TXNDC11: variants seen among roughly 807,000 people sequenced by gnomAD.
The protein encoded by TXNDC11 is thioredoxin domain-containing protein 11.
In TXNDC11, 68 loss-of-function variants were observed where a neutral mutation model predicts 78.0. The ratio of observed to expected loss-of-function variants is 0.87; its 90% CI spans 0.72 to 1.07. The LOEUF is 1.07. Ranked by LOEUF, TXNDC11 falls within the 50% of genes least tolerant of loss-of-function variation. TXNDC11 has a pLI of 0.00. For missense variants in TXNDC11, 1,389 were observed against 1,221.8 expected, an observed-to-expected ratio of 1.14 and a Z score of -2.04; for synonymous variants, 571 against 495.2, an observed-to-expected ratio of 1.15 and a Z score of -2.03.
intron 6 of TXNDC11, among the ~76,000 whole-genome samples, chr16:11,699,665 G>A (rs2050955885): frequency 6.6e-6 from 1 of 152,276 alleles, no homozygotes; most frequent in Admixed American, 6.5e-5. Context: ...CCTGGAGTGG[G>A]CCCAACAGCC....
At chr16:11,683,240 T>A (rs1416856811) in intron 11 of TXNDC11, among the ~76,000 whole-genome samples, 1 of 152,216 alleles carries the variant, frequency 6.6e-6, no homozygotes, top group African/African-American at 2.4e-5. Context: ...ATGTCCTGCT[T>A]GCAGGGGCTT....
chr16:11,740,182 C>G (rs1362305328), intron 1 of TXNDC11, among the ~76,000 whole-genome samples: 40 of 151,912 alleles, frequency 2.6e-4, no homozygotes, highest in Admixed American at 2.6e-3. Context: ...TCCCTTAAGC[C>G]TATCTCCTTA....
intron 11 of TXNDC11, among the ~76,000 whole-genome samples, chr16:11,682,107 G>C (rs1597397465): frequency 6.6e-6 from 1 of 152,220 alleles, no homozygotes; most frequent in East Asian, 1.9e-4. Context: ...AGCATAAGCA[G>C]GTGGACAATG....
At chr16:11,726,820 T>C (rs2051893268) in intron 4 of TXNDC11, among the ~76,000 whole-genome samples, 1 of 152,080 alleles carries the variant, frequency 6.6e-6, no homozygotes, top group South Asian at 2.1e-4. Context: ...TTTGGGAGGC[T>C]AAGGTGGGCT....
chr16:11,713,821 G>T (rs910899983), intron 5 of TXNDC11, among the ~76,000 whole-genome samples: 1 of 151,642 alleles, frequency 6.6e-6, no homozygotes, highest in South Asian at 2.1e-4. Context: ...CCATGAGTGA[G>T]TATAGTGACA....
intron 5 of TXNDC11, among the ~76,000 whole-genome samples, chr16:11,704,897 G>C (rs2051139773): frequency 6.9e-6 from 1 of 145,468 alleles, no homozygotes; most frequent in African/African-American, 2.5e-5. Flanking sequence ...CCGAACCAAT[G>C]TTAACTTCTT....
At chr16:11,720,773 C>T (rs978804039) in intron 5 of TXNDC11, among the ~76,000 whole-genome samples, 8 of 147,006 alleles carry the variant, frequency 5.4e-5, no homozygotes, top group Non-Finnish European at 1.2e-4. Context: ...TCACTCTGTC[C>T]CCCAGGCTGG....
chr16:11,685,490 A>C (rs948274439), intron 10 of TXNDC11, among the ~76,000 whole-genome samples: 3 of 152,006 alleles, frequency 2.0e-5, no homozygotes, highest in African/African-American at 7.3e-5. Context: ...TCTACTAAAA[A>C]TACAAAAAAT....
chr16:11,721,806 G>T, intron 4 of TXNDC11, 136 bp from the exon 5 acceptor site: 1 of 515,692 alleles, frequency 1.9e-6, no homozygotes, highest in Non-Finnish European at 3.5e-6. Context: ...AAAAGCCTAA[G>T]CACATGATAA....
chr16:11,718,213 C>G (rs1441789838), intron 5 of TXNDC11, among the ~76,000 whole-genome samples: 1 of 152,076 alleles, frequency 6.6e-6, no homozygotes, highest in Non-Finnish European at 1.5e-5. Context: ...TGATGACCAG[C>G]TAGCTTCAAA....
intron 5 of TXNDC11, among the ~76,000 whole-genome samples, chr16:11,713,713 GC>G (rs1373853180): frequency 6.6e-6 from 1 of 152,148 alleles, no homozygotes; most frequent in Admixed American, 6.5e-5. Context: ...ACAGCGCCCG[GC>G]CCAAAGTATG....
At chr16:11,712,166 A>G (rs1283791312) in intron 5 of TXNDC11, among the ~76,000 whole-genome samples, 1 of 152,224 alleles carries the variant, frequency 6.6e-6, no homozygotes, top group Non-Finnish European at 1.5e-5. Context: ...AGGGTAGAAA[A>G]TATCACTACA....
Position 11,691,423 on chromosome 16 carries a change from C to G in TXNDC11, c.1767G>C (p.Leu589Phe), listed in dbSNP as rs1451637112. The change falls in exon 8 of 12, where the codon TTG becomes TTC. Residue 589 changes from leucine to phenylalanine, a missense_variant. Transcript: ENST00000283033. Reference sequence around the variant, plus strand: ...CCAGTCTCTCTGCATATAACCAAAACAAATTTGAATCCAAAAGGTAGATGT... The same window carrying G: ...CCAGTCTCTCTGCATATAACCAAAAGAAATTTGAATCCAAAAGGTAGATGT... ...TLNIYLLDSNLFWLYAERLGA... is the reference protein window; with the variant it reads ...TLNIYLLDSNFFWLYAERLGA... 2 of 1,614,102 alleles carry G rather than the reference C, an allele frequency of 1.2e-6. No individual in the cohort carries two copies. Among genetic ancestry groups the G allele is most frequent in the East Asian group, 2.2e-5 (1 of 44,900 alleles).
chr16:11,708,215 A>C (rs2051239681), intron 5 of TXNDC11, among the ~76,000 whole-genome samples: 1 of 152,250 alleles, frequency 6.6e-6, no homozygotes, highest in Non-Finnish European at 1.5e-5. Flanking sequence ...TTAGCCTGAG[A>C]TGATAAATCC....
Position 11,717,514 on chromosome 16 carries a change from T to C in TXNDC11, c.793+4063A>G, listed in dbSNP as rs1006071680. On this transcript the variant is annotated intron_variant, in intron 5 of 11. Coordinates refer to ENST00000283033, the MANE Select transcript of TXNDC11 (RefSeq NM_015914.7). ...TACGAAAGCACTACATAAATAATAA[T>C]AACAGAAGTAAAAAAGGCTAACACA... Among the ~76,000 whole-genome samples, 9 of 129,320 alleles carry C rather than the reference T, an allele frequency of 7.0e-5. No homozygotes were observed. The East Asian group carries it at 9.7e-4, about 14-fold the overall frequency. The allele number at this position is 129,320 out of a possible 152,430, so 84.8% of individuals were successfully genotyped here. A position where few individuals can be genotyped will look rare whatever the true frequency, so the allele number is the denominator to read the frequency against.
chr16:11,698,138 G>A lies in TXNDC11; in HGVS notation c.1094C>T (p.Pro365Leu), dbSNP rs770792282. The A allele has an allele frequency of 5.0e-6, 8 of 1,614,240 alleles. No individual in the cohort carries two copies. The highest frequency in any genetic ancestry group is 6.8e-6 in the Non-Finnish European group (8 of 1,180,036). ...CACAGCTCTTACCTCGTCTATTAAAGGATGACTTTCGGCCAGGGGATTAAA... is the reference window on the plus strand; with the variant it reads ...CACAGCTCTTACCTCGTCTATTAAAAGATGACTTTCGGCCAGGGGATTAAA... ...IPFNPLAESHPLIDEITEVAL... is the reference protein window; with the variant it reads ...IPFNPLAESHLLIDEITEVAL... The change falls in exon 7 of 12, where the codon CCT becomes CTT. Residue 365 changes from proline to leucine, a missense_variant. Coordinates refer to ENST00000283033, the MANE Select transcript of TXNDC11 (RefSeq NM_015914.7).
chr16:11,726,269 T>C (rs145851971), intron 4 of TXNDC11, among the ~76,000 whole-genome samples: 56 of 152,160 alleles, frequency 3.7e-4, no homozygotes, highest in African/African-American at 1.3e-3. Context: ...CCAAATAAAA[T>C]ATTTTCCATT....
At chr16:11,713,518 G>C (rs868427290) in intron 5 of TXNDC11, among the ~76,000 whole-genome samples, 1 of 151,986 alleles carries the variant, frequency 6.6e-6, no homozygotes, top group East Asian at 1.9e-4. Flanking sequence ...CCAGGTTCAA[G>C]AGATTCTCCT....
chr16:11,700,499 C>T lies in TXNDC11; in HGVS notation c.859G>A (p.Val287Ile). The T allele has an allele frequency of 6.2e-7, 1 of 1,602,330 alleles. No homozygotes were observed. Among genetic ancestry groups the T allele is most frequent in the Non-Finnish European group, 8.6e-7 (1 of 1,169,528 alleles). Residue 287 changes from valine (V) to isoleucine (I), a missense_variant, in exon 6 of 12, where the codon GTA becomes ATA. Transcript: ENST00000283033. ...TGTAAATACACACTTCCAGAGTGTACTAAGGATACCAGTTTCGCAAGATGT... is the reference window on the plus strand; with the variant it reads ...TGTAAATACACACTTCCAGAGTGTATTAAGGATACCAGTTTCGCAAGATGT... ...NKHLAKLVSL[V>I]HSGSVYLHRH... is the part of the protein sequence containing the mutation.
Sources: allele counts gnomAD v4.1 joint callset (sites outside exome capture counted in the v4.1 genomes callset), GRCh38; gene constraint gnomAD v4.1.1; transcripts MANE v1.5; gene names NCBI Gene and HGNC (gene_info 2026-07-23, HGNC 2026-07-21).